C21orf58: variants seen among roughly 807,000 people sequenced by gnomAD.
C21orf58 encodes the protein uncharacterized protein C21orf58.
C21orf58 carries 34 observed loss-of-function variants against 35.8 expected under a neutral mutation model. The ratio of observed to expected loss-of-function variants is 0.95; its 90% CI spans 0.72 to 1.26. The LOEUF (loss-of-function observed/expected upper bound fraction) is 1.26. Among genes scored for constraint, C21orf58 ranks in the 50% most tolerant of loss-of-function variants. The pLI is 0.00. For missense variants in C21orf58, 440 were observed against 414.3 expected, an observed-to-expected ratio of 1.06 and a Z score of -0.54; for synonymous variants, 191 against 175.8, an observed-to-expected ratio of 1.09 and a Z score of -0.68.
chr21:46,315,657 C>T (rs1601695869), intron 3 of C21orf58, 110 bp from the exon 4 acceptor site: 2 of 735,262 alleles, frequency 2.7e-6, no homozygotes, highest in East Asian at 2.7e-5. Flanking sequence ...CTCACCCACA[C>T]TCCCAGGATG....
At chr21:46,318,418 G>C in intron 1 of C21orf58, 198 bp from the exon 2 acceptor site, 6 of 1,428,770 alleles carry the variant, frequency 4.2e-6, no homozygotes, top group Non-Finnish European at 5.5e-6. Context: ...TGGGCTTCAT[G>C]GGAAGGCAAA....
In C21orf58 at chr21:46,302,215, G is replaced by A. The variant is rs114312246; in HGVS notation, c.814-61C>T. The A allele has an allele frequency of 1.6e-3, 2,250 of 1,433,396 alleles. 32 individuals carry two copies. The African/African-American group carries it at 0.029, about 18-fold the overall frequency. 88.8% of individuals were successfully genotyped at this position (1,433,396 alleles called of 1,614,324 possible). A position where few individuals can be genotyped will look rare whatever the true frequency, so the allele number is the denominator to read the frequency against. ...CAGGCTGCTCCCCACCTCCACTCCCGCCCTGTTCCTAACTGGGGCTGGATC... is the reference window on the plus strand; with the variant it reads ...CAGGCTGCTCCCCACCTCCACTCCCACCCTGTTCCTAACTGGGGCTGGATC... On this transcript the variant is annotated intron_variant, in intron 7 of 7. Transcript: ENST00000291691.
intron 1 of C21orf58, among the ~76,000 whole-genome samples, chr21:46,321,025 G>C (rs147421081): frequency 1.2e-3 from 178 of 152,208 alleles, no homozygotes; most frequent in Non-Finnish European, 2.1e-3. Flanking sequence ...GCATGGATTT[G>C]TCAGACTTTT....
intron 1 of C21orf58, chr21:46,318,624 C>G: frequency 9.1e-7 from 1 of 1,100,988 alleles, no homozygotes; most frequent in Non-Finnish European, 1.1e-6. Context: ...GCAGGGAAGA[C>G]AGGGTGGGGA....
intron 2 of C21orf58, among the ~76,000 whole-genome samples, chr21:46,317,542 T>C (rs768622881): frequency 6.6e-5 from 10 of 152,308 alleles, no homozygotes; most frequent in Non-Finnish European, 1.2e-4. Context: ...AGAGCAACCC[T>C]GGGAGACACC....
chr21:46,323,730 G>A lies in C21orf58; in HGVS notation c.-992C>T, dbSNP rs899372963. The A allele has an allele frequency of 4.7e-6, 1 of 213,370 alleles. No homozygotes were observed. Among genetic ancestry groups the A allele is most frequent in the Non-Finnish European group, 9.6e-6 (1 of 104,288 alleles). 13.2% of individuals were successfully genotyped at this position (213,370 alleles called of 1,614,324 possible). ...CACAGCCAACGACTAATGCCTGAGC[G>A]GGAGAAAACGGCCTGGCCCTGTCCG... On this transcript the variant is annotated 5_prime_UTR_variant, in exon 1 of 8. Coordinates refer to ENST00000291691, the MANE Select transcript of C21orf58 (RefSeq NM_058180.5).
intron 1 of C21orf58, chr21:46,322,372 G>C: frequency 1.1e-6 from 1 of 887,090 alleles, no homozygotes; most frequent in Non-Finnish European, 1.4e-6. Context: ...AAACGACTCT[G>C]GGGTTCTGAG....
At chr21:46,301,073 T>G, downstream of C21orf58, 1 of 1,031,294 alleles carries the variant, frequency 9.7e-7, no homozygotes, top group Non-Finnish European at 1.2e-6. Flanking sequence ...ATTTATAGCA[T>G]TAGCACTCTC....
At chr21:46,306,507 A>C (rs999975393) in intron 6 of C21orf58, among the ~76,000 whole-genome samples, 1 of 152,116 alleles carries the variant, frequency 6.6e-6, no homozygotes, top group Admixed American at 6.6e-5. Flanking sequence ...TCGAAAAAAA[A>C]AATCTTTTAT....
intron 6 of C21orf58, among the ~76,000 whole-genome samples, chr21:46,310,502 A>T (rs962729641): frequency 1.1e-4 from 16 of 151,526 alleles, no homozygotes; most frequent in African/African-American, 2.2e-4. Flanking sequence ...AAAAATAAAA[A>T]AAAAAAACAA....
intron 1 of C21orf58, among the ~76,000 whole-genome samples, chr21:46,321,391 T>C (rs2083151767): frequency 6.6e-6 from 1 of 152,284 alleles, no homozygotes; most frequent in Middle Eastern, 3.4e-3. Flanking sequence ...TGAACCAATA[T>C]TGAGACACAA....
rs1256306354 is a variant in C21orf58 at position 46,302,142 on chromosome 21, CAT to C, written c.824_825del (p.His275ArgfsTer174). On this transcript the variant is annotated frameshift_variant, in exon 8 of 8. Transcript: ENST00000291691. LOFTEE classifies it low-confidence loss of function (END_TRUNC). ...ALPPALQDPPHVPPRVPRAAR... is the reference protein window; with the variant it reads ...ALPPALQDPPXVPPRVPRAAR... Reference sequence around the variant, plus strand: ...GCAGCTCGTGGGACCCTCGGGGGCACATGTGGCGGGTCCTGCCACAGACGCAC... The same window carrying C: ...GCAGCTCGTGGGACCCTCGGGGGCACGTGGCGGGTCCTGCCACAGACGCAC... 1 of 1,497,760 alleles carries C rather than the reference CAT, an allele frequency of 6.7e-7. No homozygotes were observed. Among genetic ancestry groups the C allele is most frequent in the South Asian group, 1.3e-5 (1 of 78,462 alleles). The allele number at this position is 1,497,760 out of a possible 1,614,324, so 92.8% of individuals were successfully genotyped here. A position where few individuals can be genotyped will look rare whatever the true frequency, so the allele number is the denominator to read the frequency against.
At chr21:46,301,081 C>G, downstream of C21orf58, 18 of 1,007,658 alleles carry the variant, frequency 1.8e-5, no homozygotes, top group Non-Finnish European at 2.2e-5. Context: ...CATTAGCACT[C>G]TCCCTTTTTT....
intron 6 of C21orf58, among the ~76,000 whole-genome samples, chr21:46,305,935 G>A (rs372915945): frequency 1.7e-4 from 26 of 149,746 alleles, no homozygotes; most frequent in South Asian, 1.7e-3. Flanking sequence ...GCGAGACTCC[G>A]TCTCAAAAAA....
intron 6 of C21orf58, among the ~76,000 whole-genome samples, chr21:46,306,900 T>C (rs537841773): frequency 6.6e-5 from 10 of 150,616 alleles, no homozygotes; most frequent in Admixed American, 3.3e-4. Flanking sequence ...CCCTTATTTT[T>C]ATTTATTTTT....
At position 46,302,379 on chromosome 21, in the gene C21orf58, A is replaced by G. The variant is rs896892263; in HGVS notation, c.813+106T>C. 16 of 1,095,404 alleles carry G rather than the reference A, an allele frequency of 1.5e-5. No homozygotes were observed. In the Admixed American group the frequency reaches 3.4e-4, roughly 23 times the overall value. 67.9% of individuals were successfully genotyped at this position (1,095,404 alleles called of 1,614,324 possible). ...GCTTCACAGCCAGACTGTAGACCTG[A>G]GCCAGGAATGCCCTTTCAGAGCTAC... is the stretch of plus-strand genomic sequence containing the variant. On this transcript the variant is annotated intron_variant, in intron 7 of 7. Transcript: ENST00000291691.
rs567528390 is a variant in C21orf58 at position 46,321,341 on chromosome 21, G to A, written c.100+1298C>T. On this transcript the variant is annotated intron_variant, in intron 1 of 7. Transcript: ENST00000291691. ...GTGCCATCATGCCCAGCTAATTTTT[G>A]AGTGAAAGCCAGTGCACCTGGCCCA... Among the ~76,000 whole-genome samples the A allele has an allele frequency of 3.3e-5, 5 of 152,164 alleles. No individual in the cohort carries two copies. The East Asian group carries it at 7.7e-4, about 24-fold the overall frequency.
intron 1 of C21orf58, among the ~76,000 whole-genome samples, chr21:46,319,547 G>C (rs2083087455): frequency 6.6e-6 from 1 of 152,184 alleles, no homozygotes. Context: ...AGGATCACTT[G>C]AGTCCACGAG....
At chr21:46,310,882 T>C (rs2082653224) in intron 6 of C21orf58, among the ~76,000 whole-genome samples, 2 of 151,978 alleles carry the variant, frequency 1.3e-5, no homozygotes, top group Admixed American at 1.3e-4. Flanking sequence ...ATTATTATTA[T>C]TTTTGAGACA....
Sources: allele counts gnomAD v4.1 joint callset (sites outside exome capture counted in the v4.1 genomes callset), GRCh38; gene constraint gnomAD v4.1.1; transcripts MANE v1.5; gene names NCBI Gene and HGNC (gene_info 2026-07-23, HGNC 2026-07-21).